Variants in KLF8 observed in about 807,000 individuals in gnomAD.
KLF8 encodes the protein Krueppel-like factor 8.
KLF8 carries 10 observed loss-of-function variants against 18.2 expected under a neutral mutation model. The ratio of observed to expected loss-of-function variants is 0.55; its 90% CI spans 0.34 to 0.93. KLF8 has a LOEUF of 0.93. KLF8 is among the 40% of genes least tolerant of loss of function. The pLI, the probability that KLF8 is intolerant of heterozygous loss-of-function variation, is 0.02. For synonymous variants in KLF8, 109 were observed against 97.3 expected (o/e 1.12, Z -0.71); for missense variants, 264 against 277.9 (o/e 0.95, Z 0.36).
the KLF8 span, among the ~76,000 whole-genome samples, chrX:56,162,632 G>GAAAA: frequency 9.0e-6 from 1 of 111,669 alleles, no homozygotes; most frequent in African/African-American, 3.3e-5. Flanking sequence ...GCAGTATTAG[G>GAAAA]GTGTGAGTGA....
the KLF8 span, among the ~76,000 whole-genome samples, chrX:56,078,178 G>T: frequency 9.0e-6 from 1 of 111,663 alleles, no homozygotes; most frequent in South Asian, 3.8e-4. Flanking sequence ...CCAACAGTAC[G>T]TTGAATAGGA....
the KLF8 span, among the ~76,000 whole-genome samples, chrX:55,966,718 C>T: frequency 9.0e-6 from 1 of 111,631 alleles, no homozygotes; most frequent in Non-Finnish European, 1.9e-5. Context: ...TTTGCAGTCA[C>T]TGATGAACAT....
chrX:55,938,178 G>A, the KLF8 span, among the ~76,000 whole-genome samples: 1 of 111,929 alleles, frequency 8.9e-6, no homozygotes, highest in Non-Finnish European at 1.9e-5. Flanking sequence ...GTGATCTCTC[G>A]GCAGAAGCTC....
the KLF8 span, among the ~76,000 whole-genome samples, chrX:55,974,173 A>C: frequency 8.1e-5 from 9 of 111,388 alleles, no homozygotes; most frequent in Non-Finnish European, 1.7e-4. Flanking sequence ...TGTAGACACC[A>C]GAACCTACTT....
chrX:55,962,610 C>A, the KLF8 span: 1,829 of 120,338 alleles, frequency 0.015, 85 homozygotes, highest in Admixed American at 0.11. Context: ...CATTGTGTAA[C>A]AACATTCAGC....
At chrX:56,172,300 C>A in the KLF8 span, among the ~76,000 whole-genome samples, 24 of 110,751 alleles carry the variant, frequency 2.2e-4, no homozygotes, top group Admixed American at 3.9e-4. Context: ...TGTTCCCCTT[C>A]CTGTGTCCAT....
chrX:55,925,734 G>A, the KLF8 span, among the ~76,000 whole-genome samples: 1 of 111,884 alleles, frequency 8.9e-6, no homozygotes, highest in South Asian at 3.8e-4. Context: ...CTACATTTTT[G>A]AAGATGAAAT....
the KLF8 span, among the ~76,000 whole-genome samples, chrX:56,177,939 G>T: frequency 4.5e-5 from 5 of 111,982 alleles, no homozygotes; most frequent in African/African-American, 1.6e-4. Flanking sequence ...TGTTTACTAA[G>T]ACTGTTGGAA....
the KLF8 span, among the ~76,000 whole-genome samples, chrX:56,155,881 G>T: frequency 9.0e-6 from 1 of 110,906 alleles, no homozygotes; most frequent in South Asian, 3.8e-4. Context: ...CAATACTTAG[G>T]TCCTACTTAT....
chrX:56,191,196 T>C, the KLF8 span, among the ~76,000 whole-genome samples: 1 of 111,504 alleles, frequency 9.0e-6, no homozygotes, highest in South Asian at 3.7e-4. Flanking sequence ...TGCCAATAAA[T>C]TAGAAAATCT....
the KLF8 span, among the ~76,000 whole-genome samples, chrX:56,121,134 C>T: frequency 1.3e-3 from 127 of 99,363 alleles, no homozygotes; most frequent in African/African-American, 4.7e-3. Flanking sequence ...TGCAGTGAGC[C>T]GAGATCCCGC....
the KLF8 span, among the ~76,000 whole-genome samples, chrX:55,988,977 G>A: frequency 9.0e-6 from 1 of 111,616 alleles, no homozygotes; most frequent in Middle Eastern, 4.2e-3. Flanking sequence ...ATGAATGGGA[G>A]TTCACTCATG....
the KLF8 span, among the ~76,000 whole-genome samples, chrX:56,101,644 T>A: frequency 8.9e-6 from 1 of 112,097 alleles, no homozygotes; most frequent in Non-Finnish European, 1.9e-5. Context: ...TTATGACATT[T>A]AAATAACAGC....
At chrX:56,153,643 C>A in the KLF8 span, among the ~76,000 whole-genome samples, 523 of 111,162 alleles carry the variant, frequency 4.7e-3, 1 homozygote, top group Non-Finnish European at 7.3e-3. Context: ...TCAAATTGTC[C>A]CTGTTTGCAG....
the KLF8 span, among the ~76,000 whole-genome samples, chrX:56,032,818 T>A: frequency 1.8e-5 from 2 of 111,744 alleles, no homozygotes; most frequent in East Asian, 5.5e-4. Context: ...TGTGGACAGA[T>A]TTGTGTTTGT....
chrX:56,005,281 C>A, the KLF8 span, among the ~76,000 whole-genome samples: 1 of 110,574 alleles, frequency 9.0e-6, no homozygotes, highest in Non-Finnish European at 1.9e-5. Context: ...CCAATATGTC[C>A]CCAATTATTG....
intron 1 of KLF8, chrX:56,242,833 C>T (rs964605854): frequency 7.1e-6 from 2 of 283,277 alleles, no homozygotes; most frequent in Non-Finnish European, 1.3e-5. Context: ...TCTCTCATTC[C>T]AGGTAAGCTA....
At chrX:56,035,406 G>C in the KLF8 span, among the ~76,000 whole-genome samples, 4 of 111,843 alleles carry the variant, frequency 3.6e-5, no homozygotes, top group African/African-American at 1.3e-4. Flanking sequence ...CCTGGCTATT[G>C]TGAATAGTAC....
At chrX:56,044,692 A>G in the KLF8 span, among the ~76,000 whole-genome samples, 1 of 112,380 alleles carries the variant, frequency 8.9e-6, no homozygotes, top group African/African-American at 3.2e-5. Flanking sequence ...AAAATCGCAG[A>G]GATCATGGCT....
Sources: gnomAD v4.1 joint callset for allele counts (sites outside exome capture counted in the v4.1 genomes callset) on GRCh38, gnomAD v4.1.1 for gene constraint, MANE v1.5 for transcripts, NCBI Gene and HGNC (gene_info 2026-07-23, HGNC 2026-07-21) for gene names.